The following SCHIP1 variants were observed in gnomAD, a reference collection of about 807,000 sequenced individuals.
SCHIP1 encodes schwannomin interacting protein 1, also known as schwannomin-interacting protein 1.
Under a neutral mutation model 29.7 loss-of-function variants are expected in SCHIP1, and 8 were observed. That is an observed-to-expected ratio of 0.27 (90% CI 0.16 to 0.49). The LOEUF (loss-of-function observed/expected upper bound fraction) is 0.49, where lower values mean the gene tolerates loss of function less well. Among genes scored for constraint, SCHIP1 ranks in the 20% least tolerant of loss-of-function variants. SCHIP1 has a pLI of 0.99. For missense variants in SCHIP1, 193 were observed against 294.6 expected (o/e 0.66, Z 2.52); for synonymous variants, 76 against 94.9 (o/e 0.80, Z 1.16).
chr3:159,371,855 T>C, the SCHIP1 span, among the ~76,000 whole-genome samples: 1 of 152,186 alleles, frequency 6.6e-6, no homozygotes, highest in Non-Finnish European at 1.5e-5. Context: ...TCCATACAGA[T>C]GCAATTTTTA....
the SCHIP1 span, among the ~76,000 whole-genome samples, chr3:159,717,798 G>T: frequency 6.6e-6 from 1 of 152,228 alleles, no homozygotes; most frequent in Admixed American, 6.5e-5. Flanking sequence ...TTCTTCCAGA[G>T]GTACAAAGAG....
chr3:159,796,333 A>G, the SCHIP1 span, among the ~76,000 whole-genome samples: 1 of 151,682 alleles, frequency 6.6e-6, no homozygotes, highest in Non-Finnish European at 1.5e-5. Context: ...GAATCATCAG[A>G]AGCTAGGGGG....
chr3:159,345,849 G>A, the SCHIP1 span, among the ~76,000 whole-genome samples: 1 of 152,130 alleles, frequency 6.6e-6, no homozygotes, highest in Non-Finnish European at 1.5e-5. Flanking sequence ...AGCTGGCTAA[G>A]AACATTTGAC....
the SCHIP1 span, among the ~76,000 whole-genome samples, chr3:159,448,176 G>A: frequency 6.6e-6 from 1 of 152,144 alleles, no homozygotes; most frequent in African/African-American, 2.4e-5. Context: ...TAAGAGTTTG[G>A]CAAACTAAAA....
the SCHIP1 span, among the ~76,000 whole-genome samples, chr3:159,511,380 G>T: frequency 6.6e-6 from 1 of 152,172 alleles, no homozygotes; most frequent in South Asian, 2.1e-4. Flanking sequence ...GCTTTGCTTG[G>T]CTAGGAAAGG....
the SCHIP1 span, among the ~76,000 whole-genome samples, chr3:159,761,687 G>A: frequency 1.1e-4 from 17 of 152,210 alleles, no homozygotes; most frequent in South Asian, 4.1e-4. Flanking sequence ...TTTCCCATCT[G>A]ATCCAGAAAT....
the SCHIP1 span, among the ~76,000 whole-genome samples, chr3:159,463,614 C>T: frequency 6.8e-4 from 103 of 152,038 alleles, no homozygotes; most frequent in Non-Finnish European, 1.1e-3. Context: ...ATCATTTTTC[C>T]AAAAATACAA....
the SCHIP1 span, among the ~76,000 whole-genome samples, chr3:159,817,308 G>GT: frequency 6.6e-6 from 1 of 152,076 alleles, no homozygotes; most frequent in Non-Finnish European, 1.5e-5. Context: ...ATGGGGTGGG[G>GT]TGGCGGGCTG....
At chr3:159,353,101 T>G in the SCHIP1 span, among the ~76,000 whole-genome samples, 1 of 151,974 alleles carries the variant, frequency 6.6e-6, no homozygotes, top group African/African-American at 2.4e-5. Context: ...TCCAGTCCAG[T>G]TGTTAGGGCT....
chr3:159,337,036 G>T, the SCHIP1 span, among the ~76,000 whole-genome samples: 1 of 152,136 alleles, frequency 6.6e-6, no homozygotes, highest in East Asian at 1.9e-4. Flanking sequence ...ATGCAAGGCT[G>T]GTTCAACATA....
At chr3:159,534,491 A>G in the SCHIP1 span, among the ~76,000 whole-genome samples, 3 of 152,178 alleles carry the variant, frequency 2.0e-5, no homozygotes, top group South Asian at 2.1e-4. Context: ...TCCATGCATC[A>G]TTCAGAGACC....
At chr3:159,322,136 C>T in the SCHIP1 span, among the ~76,000 whole-genome samples, 2 of 151,868 alleles carry the variant, frequency 1.3e-5, no homozygotes, top group Non-Finnish European at 2.9e-5. Context: ...GACTGATTAG[C>T]TAACAGAAGC....
the SCHIP1 span, among the ~76,000 whole-genome samples, chr3:159,417,568 T>A: frequency 6.6e-6 from 1 of 152,168 alleles, no homozygotes; most frequent in African/African-American, 2.4e-5. Context: ...TATGTGCTCA[T>A]GCATAGGTAA....
chr3:159,390,226 A>G, the SCHIP1 span, among the ~76,000 whole-genome samples: 11 of 152,214 alleles, frequency 7.2e-5, no homozygotes, highest in African/African-American at 2.4e-4. Context: ...AAAGTTATAG[A>G]TCAGTACAAT....
the SCHIP1 span, among the ~76,000 whole-genome samples, chr3:159,683,449 A>G: frequency 1.3e-5 from 2 of 152,064 alleles, no homozygotes; most frequent in African/African-American, 4.8e-5. Context: ...TTTTTTTTCA[A>G]TCGTTTTTGT....
chr3:159,403,915 G>C, the SCHIP1 span, among the ~76,000 whole-genome samples: 3 of 152,222 alleles, frequency 2.0e-5, no homozygotes, highest in African/African-American at 4.8e-5. Flanking sequence ...AGAGGACTTT[G>C]TTTTGCTATT....
the SCHIP1 span, chr3:159,808,489 A>C: frequency 6.6e-6 from 1 of 152,252 alleles, no homozygotes; most frequent in African/African-American, 2.4e-5. Context: ...CTGACTTTTA[A>C]GATAGATAGA....
At chr3:159,875,164 AAATCT>A (rs1297216899) in intron 2 of SCHIP1, among the ~76,000 whole-genome samples, 1 of 152,242 alleles carries the variant, frequency 6.6e-6, no homozygotes, top group African/African-American at 2.4e-5. Context: ...ATGGCAAAAC[AAATCT>A]AATTATGTAA....
the SCHIP1 span, among the ~76,000 whole-genome samples, chr3:159,352,899 A>G: frequency 6.6e-6 from 1 of 152,172 alleles, no homozygotes; most frequent in Non-Finnish European, 1.5e-5. Flanking sequence ...TTAAAGAAAC[A>G]TGGTGAGTAA....
Sources: gnomAD v4.1 joint callset for allele counts (sites outside exome capture counted in the v4.1 genomes callset) on GRCh38, gnomAD v4.1.1 for gene constraint, MANE v1.5 for transcripts, NCBI Gene and HGNC (gene_info 2026-07-23, HGNC 2026-07-21) for gene names.